Variants in MYO18B observed in about 807,000 individuals in gnomAD.
The protein encoded by MYO18B is myosin XVIIIB.
Under a neutral mutation model 273.0 loss-of-function variants are expected in MYO18B, and 204 were observed. The ratio of observed to expected loss-of-function variants is 0.75; its 90% CI spans 0.67 to 0.84. The LOEUF is 0.84. Ranked by LOEUF, MYO18B falls within the 40% of genes least tolerant of loss-of-function variation. The probability of loss-of-function intolerance (pLI) is 0.00; values close to 1 mark genes in which losing one functional copy is unlikely to be tolerated. For missense variants in MYO18B, 3,212 were observed against 3,287.6 expected, an observed-to-expected ratio of 0.98 and a Z score of 0.56; for synonymous variants, 1,330 against 1,305.7, an observed-to-expected ratio of 1.02 and a Z score of -0.40.
At chr22:25,848,839 T>G (rs950290275) in intron 20 of MYO18B, among the ~76,000 whole-genome samples, 1 of 152,126 alleles carries the variant, frequency 6.6e-6, no homozygotes, top group African/African-American at 2.4e-5. Flanking sequence ...GGCAGAAGTC[T>G]CAGGTGAGCA....
chr22:25,999,756 A>G (rs1377538633), intron 40 of MYO18B, among the ~76,000 whole-genome samples: 2 of 151,720 alleles, frequency 1.3e-5, no homozygotes, highest in African/African-American at 4.8e-5. Context: ...CCCAGGTTCA[A>G]GCAATTCTTC....
At chr22:25,937,006 A>G (rs2092586672) in intron 34 of MYO18B, among the ~76,000 whole-genome samples, 1 of 152,126 alleles carries the variant, frequency 6.6e-6, no homozygotes, top group Admixed American at 6.5e-5. Flanking sequence ...ACTTGATACT[A>G]AGTAGTTGTG....
At chr22:25,755,916 TTC>T (rs1438225291) in intron 1 of MYO18B, among the ~76,000 whole-genome samples, 1 of 151,898 alleles carries the variant, frequency 6.6e-6, no homozygotes, top group Non-Finnish European at 1.5e-5. Flanking sequence ...TCTTTTTTTT[TTC>T]TTTCCCCCCA....
At chr22:25,950,893 C>T (rs925123281) in intron 37 of MYO18B, among the ~76,000 whole-genome samples, 2 of 152,164 alleles carry the variant, frequency 1.3e-5, no homozygotes, top group African/African-American at 4.8e-5. Context: ...TAAGTATTAA[C>T]TTACATGACC....
At chr22:25,930,331 T>C (rs35446166) in intron 34 of MYO18B, among the ~76,000 whole-genome samples, 21,933 of 151,720 alleles carry the variant, frequency 0.14, 2,388 homozygotes, top group African/African-American at 0.31. Context: ...AGGCAGGGAC[T>C]GGGGTGAGTA....
chr22:25,775,130 A>G (rs2086868026), intron 7 of MYO18B, among the ~76,000 whole-genome samples: 1 of 152,160 alleles, frequency 6.6e-6, no homozygotes, highest in Admixed American at 6.5e-5. Context: ...GTTTTCCCAG[A>G]CTGGGGGATG....
At position 25,890,629 on chromosome 22, in the gene MYO18B, T is replaced by C. The variant is rs2146277007; in HGVS notation, c.4315-127T>C. The C allele has an allele frequency of 3.0e-6, 4 of 1,341,582 alleles. No homozygotes were observed. In the African/African-American group the frequency reaches 5.8e-5, roughly 20 times the overall value. 83.1% of individuals were successfully genotyped at this position (1,341,582 alleles called of 1,614,324 possible). On this transcript the variant is annotated intron_variant, in intron 25 of 43. Coordinates refer to ENST00000335473, the MANE Select transcript of MYO18B (RefSeq NM_032608.7). ...TTCTGAAGTCCATCCTCTTAACGAG[T>C]TGATTATACTCAAGGGTTGCTTTCC... is the stretch of plus-strand genomic sequence containing the variant.
Position 25,807,307 on chromosome 22 carries a change from A to C in MYO18B, c.2521+9210A>C, listed in dbSNP as rs149053659. The stretch of plus-strand genomic sequence containing the variant: ...GGGCAGTGGTTAGAGCACAGTCTAG[A>C]GTGACACAGATCTGGACTCAGATTG... On this transcript the variant is annotated intron_variant, in intron 12 of 43. Coordinates refer to ENST00000335473, the MANE Select transcript of MYO18B (RefSeq NM_032608.7). Among the ~76,000 whole-genome samples the C allele has an allele frequency of 4.2e-3, 641 of 152,336 alleles. 2 individuals are homozygous for C. The highest frequency in any genetic ancestry group is 6.1e-3 in the Non-Finnish European group (414 of 68,028).
At chr22:26,042,780 G>GAGTAC in the MYO18B span, among the ~76,000 whole-genome samples, 1 of 152,160 alleles carries the variant, frequency 6.6e-6, no homozygotes, top group Non-Finnish European at 1.5e-5. Flanking sequence ...CCTATTATGT[G>GAGTAC]CTAGGCACTG....
chr22:25,993,802 A>G (rs2146858021), intron 40 of MYO18B, among the ~76,000 whole-genome samples: 1 of 152,342 alleles, frequency 6.6e-6, no homozygotes, highest in Non-Finnish European at 1.5e-5. Context: ...AGAACCAGAC[A>G]TCTATATTGT....
At chr22:25,924,442 C>T (rs943740931) in intron 34 of MYO18B, among the ~76,000 whole-genome samples, 4 of 152,196 alleles carry the variant, frequency 2.6e-5, no homozygotes, top group Non-Finnish European at 2.9e-5. Flanking sequence ...TGGTACCCAC[C>T]GTCATAGAAT....
At chr22:25,983,293 C>T (rs1377176153) in intron 39 of MYO18B, 2 of 152,164 alleles carry the variant, frequency 1.3e-5, no homozygotes, top group Non-Finnish European at 2.9e-5. Context: ...CATCTGAACC[C>T]AGGAGTTCAA....
At chr22:25,915,462 A>G (rs576057839) in intron 33 of MYO18B, among the ~76,000 whole-genome samples, 1 of 152,336 alleles carries the variant, frequency 6.6e-6, no homozygotes, top group African/African-American at 2.4e-5. Context: ...GTACCTAAAC[A>G]TATCTCAACA....
rs893923503 is a variant in MYO18B, at chr22:25,955,169, C to T, written c.5971-10C>T. On this transcript the variant is annotated splice_polypyrimidine_tract_variant and intron_variant, in intron 38 of 43. Coordinates refer to ENST00000335473, the MANE Select transcript of MYO18B (RefSeq NM_032608.7). ...ACTCCAAGGTGGGCATGTGTCTCTG[C>T]CCCTCCCAGGTCCTGGTGATCCGGC... 2.5e-6 allele frequency: 4 copies of T among 1,589,268 alleles called. No homozygotes were observed. Among genetic ancestry groups the T allele is most frequent in the East Asian group, 2.3e-5 (1 of 44,266 alleles).
chr22:25,804,287 G>T (rs1384609707), intron 12 of MYO18B, among the ~76,000 whole-genome samples: 1 of 152,128 alleles, frequency 6.6e-6, no homozygotes, highest in Non-Finnish European at 1.5e-5. Flanking sequence ...TGCCTGCCCA[G>T]GTTGCTCAGA....
At chr22:25,827,240 G>A (rs2089527985) in intron 14 of MYO18B, among the ~76,000 whole-genome samples, 1 of 152,146 alleles carries the variant, frequency 6.6e-6, no homozygotes, top group South Asian at 2.1e-4. Flanking sequence ...AAGCTTGAAG[G>A]GGTAGAACCG....
chr22:25,901,155 G>T (rs1217503709), intron 29 of MYO18B: 16 of 152,198 alleles, frequency 1.1e-4, no homozygotes, highest in Admixed American at 1.0e-3. Flanking sequence ...CAACAGGAGG[G>T]CTCCATTATG....
In MYO18B at chr22:25,745,800, T is replaced by C. The variant is rs540930269; in HGVS notation, c.-110+3507T>C. Among the ~76,000 whole-genome samples the C allele has an allele frequency of 6.6e-5, 10 of 152,314 alleles. No individual in the cohort carries two copies. In the South Asian group the frequency reaches 1.7e-3, roughly 25 times the overall value. The stretch of plus-strand genomic sequence containing the variant: ...TTTTCTCTGCCCATAAAAGATGGAA[T>C]GCATTTTCAGCTGTTTCTTGGGTAC... On this transcript the variant is annotated intron_variant, in intron 1 of 43. Coordinates refer to ENST00000335473, the MANE Select transcript of MYO18B (RefSeq NM_032608.7).
intron 42 of MYO18B, among the ~76,000 whole-genome samples, chr22:26,025,051 C>T (rs1419807553): frequency 6.6e-6 from 1 of 152,120 alleles, no homozygotes; most frequent in Non-Finnish European, 1.5e-5. Context: ...AGGGCTCCAC[C>T]CTGGTGACCT....
Sources: allele counts gnomAD v4.1 joint callset (sites outside exome capture counted in the v4.1 genomes callset), GRCh38; gene constraint gnomAD v4.1.1; transcripts MANE v1.5; gene names NCBI Gene and HGNC (gene_info 2026-07-23, HGNC 2026-07-21).